ALK: variants seen among roughly 807,000 people sequenced by gnomAD.
The protein encoded by ALK is ALK tyrosine kinase receptor.
ALK carries 74 observed loss-of-function variants against 163.1 expected under a neutral mutation model. That is an observed-to-expected ratio of 0.45 (90% CI 0.38 to 0.55). The LOEUF is 0.55. Ranked by LOEUF, ALK falls within the 20% of genes least tolerant of loss-of-function variation. The pLI is 0.00. For missense variants in ALK, 2,063 were observed against 2,105.3 expected, an observed-to-expected ratio of 0.98 and a Z score of 0.39; for synonymous variants, 960 against 843.2, an observed-to-expected ratio of 1.14 and a Z score of -2.40.
Position 29,231,395 on chromosome 2 carries a change from GA to G in ALK, c.2632+908del, listed in dbSNP as rs1204983070. On this transcript the variant is annotated intron_variant, in intron 15 of 28. Coordinates refer to ENST00000389048, the MANE Select transcript of ALK (RefSeq NM_004304.5). The stretch of plus-strand genomic sequence containing the variant: ...TCACTAAACAGCTCGGCCCTGTTGA[GA>G]AAAAAAAAGTCATCATGCCTTGGTG... Among the ~76,000 whole-genome samples the G allele has an allele frequency of 3.3e-5, 5 of 151,658 alleles. No homozygotes were observed. The South Asian group carries it at 6.3e-4, about 19-fold the overall frequency.
At chr2:29,205,104 G>C (rs1409329439) in intron 26 of ALK, among the ~76,000 whole-genome samples, 6 of 152,164 alleles carry the variant, frequency 3.9e-5, no homozygotes, top group Non-Finnish European at 8.8e-5. Context: ...ATCCTCCTAA[G>C]AGTATTGTTT....
chr2:29,250,926 C>T (rs2148196878), intron 12 of ALK, among the ~76,000 whole-genome samples, 179 bp downstream of exon 12: 1 of 152,268 alleles, frequency 6.6e-6, no homozygotes, highest in East Asian at 1.9e-4. Flanking sequence ...TCTTTTGTTG[C>T]CATATTTCAC....
chr2:29,753,082 G>A (rs1680418725), intron 1 of ALK, among the ~76,000 whole-genome samples: 2 of 152,174 alleles, frequency 1.3e-5, no homozygotes, highest in Non-Finnish European at 2.9e-5. Context: ...ATGTCACACA[G>A]TTCTGCCCGT....
At chr2:29,721,994 T>C (rs115586215) in intron 1 of ALK, among the ~76,000 whole-genome samples, 4 of 152,358 alleles carry the variant, frequency 2.6e-5, no homozygotes, top group South Asian at 2.1e-4. Flanking sequence ...AGGCTGCAGA[T>C]ACATTGAACA....
At chr2:29,676,988 C>A (rs1207791092) in intron 3 of ALK, among the ~76,000 whole-genome samples, 2 of 151,682 alleles carry the variant, frequency 1.3e-5, no homozygotes, top group Admixed American at 1.3e-4. Context: ...GTATCTGTGG[C>A]CTTGGTAAAT....
intron 3 of ALK, among the ~76,000 whole-genome samples, chr2:29,654,812 T>C (rs1313785245): frequency 6.6e-6 from 1 of 152,124 alleles, no homozygotes; most frequent in East Asian, 1.9e-4. Flanking sequence ...TACAGCCACA[T>C]TCCCCTCCTT....
At chr2:29,473,267 G>A (rs1390172013) in intron 4 of ALK, among the ~76,000 whole-genome samples, 6 of 152,194 alleles carry the variant, frequency 3.9e-5, no homozygotes, top group Admixed American at 3.9e-4. Flanking sequence ...GTGGAGAAAG[G>A]AGAATCTTTT....
chr2:29,904,962 T>C (rs1420463252), intron 1 of ALK, among the ~76,000 whole-genome samples: 1 of 152,234 alleles, frequency 6.6e-6, no homozygotes, highest in Non-Finnish European at 1.5e-5. Context: ...TCTCCCTCCT[T>C]CTGTTTTAAC....
chr2:29,579,850 G>A (rs1008618295), intron 3 of ALK, among the ~76,000 whole-genome samples: 6 of 152,166 alleles, frequency 3.9e-5, no homozygotes, highest in African/African-American at 1.2e-4. Flanking sequence ...AACAGCTTAA[G>A]GTTCTGCACC....
At chr2:29,559,823 G>A (rs546528578) in intron 3 of ALK, among the ~76,000 whole-genome samples, 145 of 141,226 alleles carry the variant, frequency 1.0e-3, no homozygotes, top group African/African-American at 3.7e-3. Context: ...ACATTATCCT[G>A]ACTTGGCTTG....
At chr2:29,408,838 C>G (rs1669657792) in intron 4 of ALK, among the ~76,000 whole-genome samples, 1 of 152,166 alleles carries the variant, frequency 6.6e-6, no homozygotes, top group African/African-American at 2.4e-5. Flanking sequence ...CTGACAGCCT[C>G]AAGGTCACCA....
chr2:29,361,691 G>T (rs1218562763), intron 5 of ALK, among the ~76,000 whole-genome samples: 1 of 152,284 alleles, frequency 6.6e-6, no homozygotes. Context: ...ACCATGTAGG[G>T]TCTTTTTCAG....
At chr2:29,499,062 G>A (rs866814990) in intron 4 of ALK, among the ~76,000 whole-genome samples, 2 of 152,334 alleles carry the variant, frequency 1.3e-5, no homozygotes, top group Non-Finnish European at 1.5e-5. Flanking sequence ...TAGTTGGAAT[G>A]AGACCTGTGG....
intron 11 of ALK, among the ~76,000 whole-genome samples, chr2:29,264,405 C>T (rs1046515576): frequency 4.6e-4 from 70 of 152,356 alleles, no homozygotes; most frequent in African/African-American, 1.6e-3. Context: ...CCCACATTCA[C>T]ACACATGTGT....
At chr2:29,466,286 G>A (rs917950625) in intron 4 of ALK, among the ~76,000 whole-genome samples, 3 of 151,888 alleles carry the variant, frequency 2.0e-5, no homozygotes, top group Non-Finnish European at 2.9e-5. Context: ...CTTAGTTCCC[G>A]TCATCTATTG....
At chr2:29,484,998 T>G (rs1409149070) in intron 4 of ALK, among the ~76,000 whole-genome samples, 1 of 152,198 alleles carries the variant, frequency 6.6e-6, no homozygotes, top group East Asian at 1.9e-4. Context: ...AGTTTCACTA[T>G]AATTTGTCTA....
chr2:29,875,863 C>T (rs1041822161), intron 1 of ALK, among the ~76,000 whole-genome samples: 2 of 152,156 alleles, frequency 1.3e-5, no homozygotes, highest in African/African-American at 4.8e-5. Context: ...CAAGTCTTTG[C>T]TATTGTAAAT....
intron 3 of ALK, among the ~76,000 whole-genome samples, chr2:29,648,265 C>G (rs1420164079): frequency 6.6e-6 from 1 of 152,172 alleles, no homozygotes; most frequent in Non-Finnish European, 1.5e-5. Flanking sequence ...AGGCTTACAA[C>G]AAAACACAGC....
chr2:29,847,174 C>T (rs960978102), intron 1 of ALK, among the ~76,000 whole-genome samples: 2 of 152,178 alleles, frequency 1.3e-5, no homozygotes, highest in Non-Finnish European at 2.9e-5. Flanking sequence ...CTCCACGATA[C>T]CTCGGTATTC....
Sources: allele counts gnomAD v4.1 joint callset (sites outside exome capture counted in the v4.1 genomes callset), GRCh38; gene constraint gnomAD v4.1.1; transcripts MANE v1.5; gene names NCBI Gene and HGNC (gene_info 2026-07-23, HGNC 2026-07-21).